CR1: variants seen among roughly 807,000 people sequenced by gnomAD.
CR1 encodes complement receptor type 1.
CR1 carries 116 observed loss-of-function variants against 187.3 expected under a neutral mutation model. The observed-to-expected ratio is 0.62, with a 90% CI of 0.53 to 0.72. CR1 has a LOEUF of 0.72. CR1 is among the 30% of genes least tolerant of loss of function. The probability of loss-of-function intolerance (pLI) is 0.00; values close to 1 mark genes in which losing one functional copy is unlikely to be tolerated. For synonymous variants in CR1, 576 were observed against 747.1 expected, an observed-to-expected ratio of 0.77 and a Z score of 3.73; for missense variants, 1,731 against 2,110.7, an observed-to-expected ratio of 0.82 and a Z score of 3.52.
chr1:207,523,593 T>C lies in CR1; in HGVS notation c.488-18T>C, dbSNP rs1296528513. On this transcript the variant is annotated intron_variant, in intron 4 of 46. Coordinates refer to ENST00000367049, the MANE Select transcript of CR1 (RefSeq NM_000651.6). ...TATTTAAACTGACTGTTATTTATCCTGCTCTTCCTTTTTCCAGGAATTCCT... is the reference window on the plus strand; with the variant it reads ...TATTTAAACTGACTGTTATTTATCCCGCTCTTCCTTTTTCCAGGAATTCCT... 1.2e-6 allele frequency: 2 copies of C among 1,613,806 alleles called. No individual in the cohort carries two copies. The highest frequency in any genetic ancestry group is 8.5e-7 in the Non-Finnish European group (1 of 1,179,848).
At chr1:207,508,683 T>C (rs1196547547) in intron 3 of CR1, among the ~76,000 whole-genome samples, 2 of 152,212 alleles carry the variant, frequency 1.3e-5, no homozygotes, top group African/African-American at 4.8e-5. Context: ...CTCTGTACTA[T>C]TCCCTGCATG....
chr1:207,575,818 A>G, intron 28 of CR1, 138 bp downstream of exon 28: 1 of 1,390,424 alleles, frequency 7.2e-7, no homozygotes, highest in Non-Finnish European at 1.0e-6. Context: ...TATCCTTAAA[A>G]TGGCTCACAG....
chr1:207,585,028 G>A (rs1303919191), intron 33 of CR1, among the ~76,000 whole-genome samples, 152 bp downstream of exon 33: 5 of 152,162 alleles, frequency 3.3e-5, no homozygotes, highest in African/African-American at 1.2e-4. Flanking sequence ...AAAACAGATG[G>A]GTTTCAGCAG....
intron 1 of CR1, among the ~76,000 whole-genome samples, chr1:207,504,260 T>G (rs889572121): frequency 6.6e-6 from 1 of 152,036 alleles, no homozygotes; most frequent in African/African-American, 2.4e-5. Context: ...GGGGAGTAAA[T>G]CTCCCATGTT....
intron 27 of CR1, among the ~76,000 whole-genome samples, chr1:207,574,080 C>A (rs1660659998): frequency 6.6e-6 from 1 of 152,118 alleles, no homozygotes; most frequent in South Asian, 2.1e-4. Flanking sequence ...CTTCAGTGAG[C>A]CTTGATGGCA....
chr1:207,577,440 A>G (rs969367690), intron 28 of CR1, among the ~76,000 whole-genome samples: 3 of 152,196 alleles, frequency 2.0e-5, no homozygotes, highest in African/African-American at 7.2e-5. Flanking sequence ...AAATTAAAAA[A>G]CAAAACTGTT....
At chr1:207,612,088 ACT>A (rs140275089) in intron 39 of CR1, 47 bp downstream of exon 39, 39,973 of 1,574,890 alleles carry the variant, frequency 0.025, 693 homozygotes, top group Admixed American at 0.042. Context: ...GTGGAGAATC[ACT>A]CTCTTGAGAT....
At chr1:207,628,291 G>T (rs1429617093) in intron 45 of CR1, among the ~76,000 whole-genome samples, 1 of 151,962 alleles carries the variant, frequency 6.6e-6, no homozygotes, top group East Asian at 1.9e-4. Context: ...CTGCTCCCTG[G>T]ACTATGATCC....
intron 46 of CR1, among the ~76,000 whole-genome samples, chr1:207,636,568 T>C (rs999002903): frequency 6.6e-6 from 1 of 152,192 alleles, no homozygotes; most frequent in Non-Finnish European, 1.5e-5. Flanking sequence ...CAATTTTTGA[T>C]CAATACCAGA....
chr1:207,497,287 TCTTAA>T (rs1659118606), intron 1 of CR1, among the ~76,000 whole-genome samples: 1 of 152,328 alleles, frequency 6.6e-6, no homozygotes, highest in Admixed American at 6.5e-5. Context: ...TCTTCCTTTT[TCTTAA>T]CTTCAAATAG....
intron 41 of CR1, among the ~76,000 whole-genome samples, chr1:207,617,516 T>TGC (rs1662151172): frequency 9.5e-6 from 1 of 105,026 alleles, no homozygotes; most frequent in African/African-American, 3.5e-5. Context: ...TATGTGTGTG[T>TGC]GTGTGTGTGT....
intron 31 of CR1, 79 bp downstream of exon 31, chr1:207,580,692 G>A: frequency 7.7e-7 from 1 of 1,299,920 alleles, no homozygotes; most frequent in Non-Finnish European, 1.1e-6. Flanking sequence ...TCCAAAAAGA[G>A]GGCTGACCTA....
chr1:207,524,066 CAGG>C (rs923411869), intron 5 of CR1, 57 bp downstream of exon 5: 9 of 1,611,474 alleles, frequency 5.6e-6, no homozygotes, highest in Non-Finnish European at 7.6e-6. Context: ...GCTGTTGGAT[CAGG>C]AGATTAGTAT....
chr1:207,614,325 G>A, intron 39 of CR1, 79 bp from the exon 40 acceptor site: 2 of 1,105,166 alleles, frequency 1.8e-6, no homozygotes, highest in Non-Finnish European at 2.7e-6. Context: ...TAGTGAGGAA[G>A]CTGAGCATCT....
intron 1 of CR1, among the ~76,000 whole-genome samples, chr1:207,497,517 A>T (rs1388389928): frequency 6.6e-6 from 1 of 152,176 alleles, no homozygotes; most frequent in Non-Finnish European, 1.5e-5. Flanking sequence ...AAGAGTAAAT[A>T]AAATAAAATA....
intron 23 of CR1, among the ~76,000 whole-genome samples, chr1:207,564,991 A>T (rs1660449348): frequency 6.7e-6 from 1 of 150,236 alleles, no homozygotes; most frequent in South Asian, 2.1e-4. Flanking sequence ...ATTTTTTTAA[A>T]AATTCAGTCA....
intron 1 of CR1, among the ~76,000 whole-genome samples, chr1:207,500,260 ATATTGAGG>A (rs1416843341): frequency 6.6e-6 from 1 of 152,226 alleles, no homozygotes; most frequent in African/African-American, 2.4e-5. Flanking sequence ...TCAAAAATTT[ATATTGAGG>A]CATATAATTT....
intron 35 of CR1, 108 bp downstream of exon 35, chr1:207,588,882 G>A: frequency 1.4e-6 from 1 of 705,328 alleles, no homozygotes; most frequent in South Asian, 1.9e-5. Context: ...TACTTTAAAA[G>A]CAAGCAATAG....
rs200795754 is a variant in CR1, at chr1:207,567,994, C to A, written c.4123C>A (p.Gln1375Lys). 1.9e-6 allele frequency: 3 copies of A among 1,610,564 alleles called. No individual in the cohort carries two copies. The highest frequency in any genetic ancestry group is 2.5e-6 in the Non-Finnish European group (3 of 1,179,576). ...ESTIRCTSDP[Q>K]GNGVWSSPAP... ...CACCATCCGCTGCACAAGTGACCCTCAAGGGAATGGGGTTTGGAGCAGCCC... is the reference window on the plus strand; with the variant it reads ...CACCATCCGCTGCACAAGTGACCCTAAAGGGAATGGGGTTTGGAGCAGCCC... The change falls in exon 25 of 47, where the codon CAA (glutamine) becomes AAA (lysine). Residue 1375 changes from glutamine to lysine, a missense_variant. Coordinates refer to ENST00000367049, the MANE Select transcript of CR1 (RefSeq NM_000651.6).
Sources: allele counts gnomAD v4.1 joint callset (sites outside exome capture counted in the v4.1 genomes callset), GRCh38; gene constraint gnomAD v4.1.1; transcripts MANE v1.5; gene names NCBI Gene and HGNC (gene_info 2026-07-23, HGNC 2026-07-21).